The following ARHGAP42 variants were observed in gnomAD, a reference collection of about 807,000 sequenced individuals.
ARHGAP42 encodes the protein Rho GTPase activating protein 42.
ARHGAP42 carries 63 observed loss-of-function variants against 125.0 expected under a neutral mutation model. The ratio of observed to expected loss-of-function variants is 0.50; its 90% CI spans 0.41 to 0.62. The LOEUF (loss-of-function observed/expected upper bound fraction) is 0.62. ARHGAP42 is among the 20% of genes least tolerant of loss of function. The pLI, the probability that ARHGAP42 is intolerant of heterozygous loss-of-function variation, is 0.00. For missense variants in ARHGAP42, 766 were observed against 1,024.2 expected (o/e 0.75, Z 3.44); for synonymous variants, 339 against 351.0 (o/e 0.97, Z 0.38).
At chr11:100,692,971 G>T (rs75458329) in intron 1 of ARHGAP42, among the ~76,000 whole-genome samples, 1 of 152,134 alleles carries the variant, frequency 6.6e-6, no homozygotes, top group Non-Finnish European at 1.5e-5. Flanking sequence ...CTTTGTGTGT[G>T]TGTTCAGGGC....
At chr11:100,984,789 A>C (rs896470304) in intron 22 of ARHGAP42, among the ~76,000 whole-genome samples, 10 of 152,080 alleles carry the variant, frequency 6.6e-5, no homozygotes, top group Admixed American at 4.6e-4. Flanking sequence ...AGAGATTAGA[A>C]TCTTCTGAAG....
At chr11:100,747,136 G>C (rs1041458711) in intron 1 of ARHGAP42, among the ~76,000 whole-genome samples, 7 of 152,182 alleles carry the variant, frequency 4.6e-5, no homozygotes, top group Non-Finnish European at 8.8e-5. Flanking sequence ...TTTTAAGGGA[G>C]GAGAAGGTGG....
chr11:100,877,410 ACTT>A (rs1383676511), intron 4 of ARHGAP42, among the ~76,000 whole-genome samples: 1 of 152,146 alleles, frequency 6.6e-6, no homozygotes, highest in Non-Finnish European at 1.5e-5. Context: ...GCTTTACTAT[ACTT>A]CTTTGCTCAT....
chr11:100,921,948 G>A (rs1867281534), intron 6 of ARHGAP42, among the ~76,000 whole-genome samples: 8 of 151,702 alleles, frequency 5.3e-5, no homozygotes. Context: ...AATGCAAGAT[G>A]CTAATAAGAG....
At chr11:100,848,095 A>G (rs868682397) in intron 3 of ARHGAP42, among the ~76,000 whole-genome samples, 4 of 152,280 alleles carry the variant, frequency 2.6e-5, no homozygotes, top group South Asian at 4.1e-4. Context: ...ATGATGACAT[A>G]TGAAGTGGGA....
At chr11:100,765,252 G>A (rs1414325874) in intron 1 of ARHGAP42, among the ~76,000 whole-genome samples, 1 of 152,160 alleles carries the variant, frequency 6.6e-6, no homozygotes, top group African/African-American at 2.4e-5. Context: ...CATCTTTCAA[G>A]TCCCTGTTCT....
chr11:100,806,431 G>T (rs608666), intron 3 of ARHGAP42, among the ~76,000 whole-genome samples: 7,683 of 152,140 alleles, frequency 0.05, 636 homozygotes, highest in African/African-American at 0.17. Flanking sequence ...AAGTAATACA[G>T]TTTCTTTTAT....
At chr11:100,711,407 T>C (rs79903058) in intron 1 of ARHGAP42, among the ~76,000 whole-genome samples, 1 of 152,130 alleles carries the variant, frequency 6.6e-6, no homozygotes, top group Admixed American at 6.5e-5. Context: ...CATGCTGGAG[T>C]GCAGTGGTGA....
intron 2 of ARHGAP42, among the ~76,000 whole-genome samples, chr11:100,793,955 C>A (rs139450271): frequency 1.3e-5 from 2 of 151,454 alleles, no homozygotes; most frequent in African/African-American, 4.9e-5. Context: ...GTGTGGTACA[C>A]GCCTGTAGTC....
intron 2 of ARHGAP42, among the ~76,000 whole-genome samples, chr11:100,773,606 C>T (rs1023844464): frequency 4.6e-5 from 7 of 152,206 alleles, no homozygotes; most frequent in Non-Finnish European, 1.0e-4. Context: ...CATGTAGTAA[C>T]TGCAGACGTA....
At chr11:100,713,626 C>T (rs73573373) in intron 1 of ARHGAP42, among the ~76,000 whole-genome samples, 41 of 151,920 alleles carry the variant, frequency 2.7e-4, no homozygotes, top group African/African-American at 9.2e-4. Context: ...AATAAATGAC[C>T]GAGTAAAAAA....
At chr11:100,879,675 G>A (rs76958345) in intron 4 of ARHGAP42, among the ~76,000 whole-genome samples, 4 of 152,052 alleles carry the variant, frequency 2.6e-5, no homozygotes, top group East Asian at 3.9e-4. Context: ...TGTGAGCTGC[G>A]ACCTCCCTGC....
intron 1 of ARHGAP42, among the ~76,000 whole-genome samples, chr11:100,692,457 T>C (rs1375208271): frequency 6.6e-6 from 1 of 152,202 alleles, no homozygotes; most frequent in East Asian, 1.9e-4. Flanking sequence ...TTCTCAGAGA[T>C]TGCTGATAAT....
At chr11:100,688,441 C>T (rs1038426456) in intron 1 of ARHGAP42, among the ~76,000 whole-genome samples, 1 of 152,146 alleles carries the variant, frequency 6.6e-6, no homozygotes, top group Admixed American at 6.5e-5. Context: ...TTGGGTGTGT[C>T]ATTGGGATGA....
intron 10 of ARHGAP42, among the ~76,000 whole-genome samples, chr11:100,945,464 G>A (rs1164219009): frequency 6.6e-6 from 1 of 152,082 alleles, no homozygotes; most frequent in Non-Finnish European, 1.5e-5. Context: ...ATCCATTAGA[G>A]GAATCACTAC....
At chr11:100,773,282 A>C (rs1731537226) in intron 2 of ARHGAP42, among the ~76,000 whole-genome samples, 1 of 152,202 alleles carries the variant, frequency 6.6e-6, no homozygotes, top group African/African-American at 2.4e-5. Flanking sequence ...AATTTTCCTT[A>C]TAAACTTTAA....
intron 4 of ARHGAP42, among the ~76,000 whole-genome samples, chr11:100,904,348 G>A (rs570545034): frequency 3.3e-5 from 5 of 151,304 alleles, no homozygotes; most frequent in African/African-American, 1.2e-4. Flanking sequence ...TCAGATTCAA[G>A]CGATTCTCCT....
At chr11:100,844,390 A>G (rs1467006298) in intron 3 of ARHGAP42, among the ~76,000 whole-genome samples, 1 of 145,530 alleles carries the variant, frequency 6.9e-6, no homozygotes, top group Non-Finnish European at 1.5e-5. Flanking sequence ...GTCTTAGGCA[A>G]GGATTTCATG....
chr11:100,826,802 TCAGCTGGGAAAAA>T (rs1864524762), intron 3 of ARHGAP42, among the ~76,000 whole-genome samples: 1 of 152,100 alleles, frequency 6.6e-6, no homozygotes, highest in Non-Finnish European at 1.5e-5. Flanking sequence ...TTTCTGCTGC[TCAGCTGGGAAAAA>T]TATTTTGCCG....
Sources: gnomAD v4.1 joint callset for allele counts (sites outside exome capture counted in the v4.1 genomes callset) on GRCh38, gnomAD v4.1.1 for gene constraint, MANE v1.5 for transcripts, NCBI Gene and HGNC (gene_info 2026-07-23, HGNC 2026-07-21) for gene names.